Variants in LRRC4C observed in about 807,000 individuals in gnomAD.
The protein encoded by LRRC4C is leucine-rich repeat-containing protein 4C.
Under a neutral mutation model 33.6 loss-of-function variants are expected in LRRC4C, and 5 were observed. The observed-to-expected ratio is 0.15, with a 90% CI of 0.08 to 0.31. The LOEUF (loss-of-function observed/expected upper bound fraction) is 0.31. Among genes scored for constraint, LRRC4C ranks in the 10% least tolerant of loss-of-function variants. The probability of loss-of-function intolerance (pLI) is 1.00; values close to 1 mark genes in which losing one functional copy is unlikely to be tolerated. For missense variants in LRRC4C, 560 were observed against 796.7 expected (o/e 0.70, Z 3.58); for synonymous variants, 329 against 302.0 (o/e 1.09, Z -0.93).
intron 1 of LRRC4C, among the ~76,000 whole-genome samples, chr11:41,264,853 T>C (rs189090760): frequency 1.2e-4 from 18 of 152,108 alleles, no homozygotes; most frequent in African/African-American, 4.1e-4. Flanking sequence ...AAATTACAAA[T>C]GGTAGTTAAA....
chr11:40,556,873 T>A (rs957599442), intron 3 of LRRC4C, among the ~76,000 whole-genome samples: 2 of 152,164 alleles, frequency 1.3e-5, no homozygotes, highest in Admixed American at 6.5e-5. Context: ...AATAAGATTA[T>A]TAAAAGTTGG....
chr11:40,995,868 C>T (rs958947408), intron 1 of LRRC4C, among the ~76,000 whole-genome samples: 3 of 152,230 alleles, frequency 2.0e-5, no homozygotes, highest in Non-Finnish European at 4.4e-5. Flanking sequence ...TTTTTAGTAA[C>T]CTTTGTTTAT....
intron 2 of LRRC4C, among the ~76,000 whole-genome samples, chr11:40,877,363 C>T (rs1257171750): frequency 1.3e-5 from 2 of 152,126 alleles, no homozygotes; most frequent in African/African-American, 4.8e-5. Flanking sequence ...CGAAGGTGCA[C>T]ATAATATATT....
intron 1 of LRRC4C, among the ~76,000 whole-genome samples, chr11:41,224,911 G>A (rs1482477424): frequency 1.3e-5 from 2 of 152,156 alleles, no homozygotes; most frequent in Non-Finnish European, 2.9e-5. Context: ...TAAAGAAAAT[G>A]TGGTACTTAT....
chr11:41,432,756 T>A (rs1955284876), intron 1 of LRRC4C, among the ~76,000 whole-genome samples: 1 of 152,098 alleles, frequency 6.6e-6, no homozygotes, highest in Non-Finnish European at 1.5e-5. Context: ...TTTTCCTTCA[T>A]TAAAATCAAA....
At chr11:41,361,487 G>T (rs1348943319) in intron 1 of LRRC4C, among the ~76,000 whole-genome samples, 1 of 152,128 alleles carries the variant, frequency 6.6e-6, no homozygotes, top group Non-Finnish European at 1.5e-5. Context: ...TTGAAGTTGA[G>T]CATCTAACAT....
At chr11:40,526,028 T>G (rs985397957) in intron 3 of LRRC4C, among the ~76,000 whole-genome samples, 9 of 151,944 alleles carry the variant, frequency 5.9e-5, no homozygotes, top group African/African-American at 2.2e-4. Context: ...CAATAGGACA[T>G]CCATATGAAA....
chr11:41,435,504 G>C (rs1285606369), intron 1 of LRRC4C, among the ~76,000 whole-genome samples: 2 of 152,062 alleles, frequency 1.3e-5, no homozygotes, highest in Non-Finnish European at 2.9e-5. Flanking sequence ...ATTTAATAAT[G>C]GTTAACATTT....
intron 1 of LRRC4C, among the ~76,000 whole-genome samples, chr11:41,214,070 G>C (rs1946932416): frequency 6.6e-6 from 1 of 152,100 alleles, no homozygotes. Context: ...GTCAGAATTT[G>C]TCATCTGCAA....
rs1303701351 is a variant in LRRC4C, at chr11:41,279,373, CACACACAA to C, written c.-496+180050_-496+180057del. On this transcript the variant is annotated intron_variant, in intron 1 of 6. Coordinates refer to ENST00000528697, the MANE Select transcript of LRRC4C (RefSeq NM_001258419.2). ...CTCTCATTCCATCCCATCACATACA[CACACACAA>C]ACACACACACACACACACACACACA... is the stretch of plus-strand genomic sequence containing the variant. Among the ~76,000 whole-genome samples, 34 of 114,284 alleles carry C rather than the reference CACACACAA, an allele frequency of 3.0e-4. 2 individuals carry two copies. Among genetic ancestry groups the C allele is most frequent in the African/African-American group, 1.2e-3 (29 of 24,474 alleles). 75.0% of individuals were successfully genotyped at this position (114,284 alleles called of 152,430 possible). A position where few individuals can be genotyped will look rare whatever the true frequency, so the allele number is the denominator to read the frequency against.
chr11:40,668,208 A>C (rs1943917371), intron 2 of LRRC4C, among the ~76,000 whole-genome samples: 1 of 152,226 alleles, frequency 6.6e-6, no homozygotes, highest in African/African-American at 2.4e-5. Context: ...TTGGCATCCA[A>C]AGTTTAGTGC....
chr11:41,018,816 C>T (rs1263979381), intron 1 of LRRC4C, among the ~76,000 whole-genome samples: 1 of 152,104 alleles, frequency 6.6e-6, no homozygotes, highest in Non-Finnish European at 1.5e-5. Flanking sequence ...CCACCCTAAG[C>T]TAAGTAGCAA....
intron 2 of LRRC4C, among the ~76,000 whole-genome samples, chr11:40,838,920 G>C (rs2135617710): frequency 6.6e-6 from 1 of 151,926 alleles, no homozygotes; most frequent in South Asian, 2.1e-4. Context: ...AAAAAAAAAT[G>C]TATTTCTTTA....
At chr11:40,731,297 C>A (rs1367800569) in intron 2 of LRRC4C, among the ~76,000 whole-genome samples, 1 of 151,470 alleles carries the variant, frequency 6.6e-6, no homozygotes, top group Non-Finnish European at 1.5e-5. Context: ...CCAGCCTGGG[C>A]AACAGAGCCA....
chr11:40,857,022 A>T (rs1386345647), intron 2 of LRRC4C, among the ~76,000 whole-genome samples: 3 of 152,206 alleles, frequency 2.0e-5, no homozygotes, highest in Non-Finnish European at 2.9e-5. Flanking sequence ...TTTATAGATG[A>T]GGCCTAAAGA....
At chr11:40,691,280 A>C (rs2136402537) in intron 2 of LRRC4C, among the ~76,000 whole-genome samples, 1 of 152,112 alleles carries the variant, frequency 6.6e-6, no homozygotes, top group Middle Eastern at 3.4e-3. Flanking sequence ...AGCACTCCAG[A>C]ATGCCCACAG....
chr11:41,095,307 C>T (rs906081711), intron 1 of LRRC4C, among the ~76,000 whole-genome samples: 3 of 152,120 alleles, frequency 2.0e-5, no homozygotes, highest in Admixed American at 6.6e-5. Flanking sequence ...CCCCATAATC[C>T]AATCACCTCC....
At chr11:40,960,067 G>A (rs780520501) in intron 1 of LRRC4C, among the ~76,000 whole-genome samples, 6 of 146,088 alleles carry the variant, frequency 4.1e-5, no homozygotes, top group Non-Finnish European at 6.1e-5. Context: ...AGGAAAAACA[G>A]ACAAAAGATA....
At chr11:40,883,219 C>A (rs945000920) in intron 2 of LRRC4C, among the ~76,000 whole-genome samples, 1 of 151,952 alleles carries the variant, frequency 6.6e-6, no homozygotes, top group Non-Finnish European at 1.5e-5. Context: ...AAGAGGTTAA[C>A]AAGAGTCCCT....
Sources: allele counts gnomAD v4.1 joint callset (sites outside exome capture counted in the v4.1 genomes callset), GRCh38; gene constraint gnomAD v4.1.1; transcripts MANE v1.5; gene names NCBI Gene and HGNC (gene_info 2026-07-23, HGNC 2026-07-21).